FHIT: variants seen among roughly 807,000 people sequenced by gnomAD.
FHIT encodes the protein fragile histidine triad diadenosine triphosphatase, also known as bis(5'-adenosyl)-triphosphatase.
FHIT carries 19 observed loss-of-function variants against 17.9 expected under a neutral mutation model. The ratio of observed to expected loss-of-function variants is 1.06; its 90% CI spans 0.74 to 1.56. The LOEUF (loss-of-function observed/expected upper bound fraction) is 1.56. Among genes scored for constraint, FHIT ranks in the 40% most tolerant of loss-of-function variants. FHIT has a pLI of 0.00. For missense variants in FHIT, 248 were observed against 189.2 expected, an observed-to-expected ratio of 1.31 and a Z score of -1.82; for synonymous variants, 81 against 69.7, an observed-to-expected ratio of 1.16 and a Z score of -0.81.
At chr3:60,076,060 G>C (rs1190052695) in intron 5 of FHIT, among the ~76,000 whole-genome samples, 1 of 152,182 alleles carries the variant, frequency 6.6e-6, no homozygotes, top group East Asian at 1.9e-4. Context: ...CATTTTGCCA[G>C]AGGAGCCTCA....
At chr3:60,757,936 C>G (rs1699505846) in intron 4 of FHIT, among the ~76,000 whole-genome samples, 1 of 152,136 alleles carries the variant, frequency 6.6e-6, no homozygotes, top group Admixed American at 6.5e-5. Flanking sequence ...CTGGATCTGC[C>G]CTCCACCCTT....
chr3:60,567,967 G>A (rs528343943), intron 4 of FHIT, among the ~76,000 whole-genome samples: 15 of 152,288 alleles, frequency 9.8e-5, no homozygotes, highest in South Asian at 8.3e-4. Flanking sequence ...AACAGGTGCT[G>A]GAGAGGATGT....
chr3:59,789,935 A>C (rs1350122094), intron 8 of FHIT, among the ~76,000 whole-genome samples: 1 of 152,210 alleles, frequency 6.6e-6, no homozygotes, highest in African/African-American at 2.4e-5. Context: ...GTGACTCTGC[A>C]CAAACATGGC....
intron 3 of FHIT, among the ~76,000 whole-genome samples, chr3:61,031,030 T>C (rs936111210): frequency 7.2e-5 from 11 of 152,284 alleles, no homozygotes; most frequent in East Asian, 1.9e-4. Flanking sequence ...TGAAACGAAA[T>C]AAGGGGTCCT....
At chr3:60,482,081 G>T (rs1301935105) in intron 5 of FHIT, among the ~76,000 whole-genome samples, 2 of 152,134 alleles carry the variant, frequency 1.3e-5, no homozygotes, top group Admixed American at 6.5e-5. Context: ...GACAAAGAAG[G>T]TTATTACATA....
chr3:59,959,008 A>C (rs1016922220), intron 7 of FHIT, among the ~76,000 whole-genome samples: 5 of 152,188 alleles, frequency 3.3e-5, no homozygotes, highest in Non-Finnish European at 7.4e-5. Flanking sequence ...AAACTATAAT[A>C]AACAAGAAGA....
intron 4 of FHIT, among the ~76,000 whole-genome samples, chr3:60,708,270 T>C (rs2041424494): frequency 6.6e-6 from 1 of 152,328 alleles, no homozygotes. Context: ...GCCTTACTAA[T>C]GGGCAATTTG....
chr3:60,282,298 A>G (rs1707497174), intron 5 of FHIT, among the ~76,000 whole-genome samples: 1 of 152,168 alleles, frequency 6.6e-6, no homozygotes, highest in South Asian at 2.1e-4. Context: ...ACGACAGAAT[A>G]CTAGTCTACA....
intron 2 of FHIT, among the ~76,000 whole-genome samples, chr3:61,081,756 A>G (rs1478546531): frequency 1.3e-5 from 2 of 152,218 alleles, no homozygotes; most frequent in Non-Finnish European, 2.9e-5. Flanking sequence ...TAACTCCAGT[A>G]TGACCTCATC....
At position 60,687,563 on chromosome 3, in the gene FHIT, T is replaced by C. The variant is rs146254013; in HGVS notation, c.-18+134356A>G. On this transcript the variant is annotated intron_variant, in intron 4 of 9. Coordinates refer to ENST00000492590, the MANE Select transcript of FHIT (RefSeq NM_002012.4). Reference sequence around the variant, plus strand: ...TAACACTTTATATTTCATAATTTAATATGGTTTCTTTGAGATATAATATAT... The same window carrying C: ...TAACACTTTATATTTCATAATTTAACATGGTTTCTTTGAGATATAATATAT... Among the ~76,000 whole-genome samples the C allele has an allele frequency of 6.7e-3, 1,020 of 152,238 alleles. 12 individuals are homozygous for C. The highest frequency in any genetic ancestry group is 0.022 in the African/African-American group (912 of 41,574).
intron 8 of FHIT, among the ~76,000 whole-genome samples, chr3:59,816,569 T>G (rs1005420290): frequency 2.8e-4 from 42 of 152,070 alleles, no homozygotes; most frequent in African/African-American, 9.4e-4. Context: ...TAAGTGCATA[T>G]TGTTTGCAGA....
chr3:60,378,943 A>T (rs7621056), intron 5 of FHIT, among the ~76,000 whole-genome samples: 1 of 152,004 alleles, frequency 6.6e-6, no homozygotes, highest in African/African-American at 2.4e-5. Context: ...GCCCGTTGCA[A>T]GCACTACAAT....
At chr3:60,182,815 A>G (rs1459271469) in intron 5 of FHIT, among the ~76,000 whole-genome samples, 1 of 151,912 alleles carries the variant, frequency 6.6e-6, no homozygotes, top group Non-Finnish European at 1.5e-5. Flanking sequence ...TACTTGTCCA[A>G]ATGAGTTGTT....
intron 8 of FHIT, among the ~76,000 whole-genome samples, chr3:59,766,165 G>A (rs1701786883): frequency 6.6e-6 from 1 of 152,064 alleles, no homozygotes; most frequent in African/African-American, 2.4e-5. Context: ...TTTTGTTCTG[G>A]GCAATGGGTT....
At chr3:61,025,409 T>C (rs1459154574) in intron 3 of FHIT, among the ~76,000 whole-genome samples, 1 of 152,206 alleles carries the variant, frequency 6.6e-6, no homozygotes, top group Non-Finnish European at 1.5e-5. Flanking sequence ...TCACGGGCAA[T>C]GTCTCCAAAG....
chr3:60,504,204 G>A (rs1236188174), intron 5 of FHIT, among the ~76,000 whole-genome samples: 1 of 152,170 alleles, frequency 6.6e-6, no homozygotes, highest in African/African-American at 2.4e-5. Flanking sequence ...GGGCGGCCGA[G>A]GCGGGCAGAT....
Position 60,029,883 on chromosome 3 carries a change from GTGTGTGTGTGTGTC to G in FHIT, c.104-15745_104-15732del, listed in dbSNP as rs1312113140. ...GCAGATGTCCTCATAGAAGCATTGT[GTGTGTGTGTGTGTC>G]TGTGTGTGTGTGTGTGTGTGTGTGT... On this transcript the variant is annotated intron_variant, in intron 5 of 9. Coordinates refer to ENST00000492590, the MANE Select transcript of FHIT (RefSeq NM_002012.4). Among the ~76,000 whole-genome samples, 118 of 101,866 alleles carry G rather than the reference GTGTGTGTGTGTGTC, an allele frequency of 1.2e-3. 3 individuals carry two copies. The East Asian group carries it at 0.016, about 14-fold the overall frequency. 66.8% of individuals were successfully genotyped at this position (101,866 alleles called of 152,430 possible).
chr3:60,582,084 A>G (rs940517791), intron 4 of FHIT, among the ~76,000 whole-genome samples: 3 of 152,046 alleles, frequency 2.0e-5, no homozygotes, highest in Non-Finnish European at 4.4e-5. Flanking sequence ...CCTTGGCTGG[A>G]GGCTGCACTT....
At chr3:60,119,206 T>C (rs569145340) in intron 5 of FHIT, among the ~76,000 whole-genome samples, 2 of 151,886 alleles carry the variant, frequency 1.3e-5, no homozygotes, top group South Asian at 4.2e-4. Flanking sequence ...CTCAAGTAGC[T>C]GGGACTACAG....
Sources: gnomAD v4.1 joint callset for allele counts (sites outside exome capture counted in the v4.1 genomes callset) on GRCh38, gnomAD v4.1.1 for gene constraint, MANE v1.5 for transcripts, NCBI Gene and HGNC (gene_info 2026-07-23, HGNC 2026-07-21) for gene names.